Variants in ERBB4 observed in about 807,000 individuals in gnomAD.
The protein encoded by ERBB4 is erb-b2 receptor tyrosine kinase 4.
Under a neutral mutation model 158.0 loss-of-function variants are expected in ERBB4, and 42 were observed. The ratio of observed to expected loss-of-function variants is 0.27; its 90% confidence interval spans 0.21 to 0.34. The LOEUF is 0.34. Among genes scored for constraint, ERBB4 ranks in the 10% least tolerant of loss-of-function variants. The pLI, the probability that ERBB4 is intolerant of heterozygous loss-of-function variation, is 1.00. For synonymous variants in ERBB4, 583 were observed against 558.7 expected (o/e 1.04, Z -0.61); for missense variants, 1,333 against 1,624.1 (o/e 0.82, Z 3.08).
At chr2:212,101,807 T>C (rs2079091768) in intron 2 of ERBB4, among the ~76,000 whole-genome samples, 1 of 151,868 alleles carries the variant, frequency 6.6e-6, no homozygotes, top group South Asian at 2.1e-4. Flanking sequence ...GAAAAGGTTA[T>C]AAAAAGCTTC....
At chr2:211,824,306 T>G (rs1395503523) in intron 3 of ERBB4, among the ~76,000 whole-genome samples, 1 of 152,038 alleles carries the variant, frequency 6.6e-6, no homozygotes, top group Non-Finnish European at 1.5e-5. Context: ...GGTTTAGGAA[T>G]AGTTACTATT....
chr2:211,722,594 A>G lies in ERBB4; in HGVS notation c.742-60T>C. On this transcript the variant is annotated intron_variant, in intron 6 of 27. Coordinates refer to ENST00000342788, the MANE Select transcript of ERBB4 (RefSeq NM_005235.3). The stretch of plus-strand genomic sequence containing the variant: ...TAAACTCATAATACTTGTTAATGAA[A>G]CGCTGCCAAAACAGGAGAAGTTTTT... 10 of 1,547,582 alleles carry G rather than the reference A, an allele frequency of 6.5e-6. No individual in the cohort carries two copies. The South Asian group carries it at 1.1e-4, about 17-fold the overall frequency.
At position 212,095,738 on chromosome 2, in the gene ERBB4, C is replaced by T. The variant is rs529949207; in HGVS notation, c.234+29014G>A. 1.4e-4 allele frequency among the ~76,000 whole-genome samples: 21 copies of T among 152,060 alleles called. 1 individual carries two copies. The South Asian group carries it at 3.5e-3, about 26-fold the overall frequency. On this transcript the variant is annotated intron_variant, in intron 2 of 27. Transcript: ENST00000342788. The stretch of plus-strand genomic sequence containing the variant: ...ACGAGGTCAGGAGATCGAGACCATC[C>T]TGGCTAACACGGTGAAACCCCGTCT...
intron 1 of ERBB4, among the ~76,000 whole-genome samples, chr2:212,254,611 C>T (rs987783944): frequency 6.6e-6 from 1 of 152,018 alleles, no homozygotes; most frequent in Non-Finnish European, 1.5e-5. Flanking sequence ...GACACCATTC[C>T]CCACGAATCC....
chr2:211,597,914 T>A (rs984429841), intron 19 of ERBB4, among the ~76,000 whole-genome samples: 1 of 152,172 alleles, frequency 6.6e-6, no homozygotes, highest in Non-Finnish European at 1.5e-5. Context: ...ATGTTATTAT[T>A]TGATAAGAGA....
intron 20 of ERBB4, among the ~76,000 whole-genome samples, chr2:211,517,947 T>C (rs1406903359): frequency 6.6e-6 from 1 of 152,118 alleles, no homozygotes; most frequent in Non-Finnish European, 1.5e-5. Context: ...TTCCATGAGA[T>C]CCTCGTCACT....
At chr2:212,376,522 T>C (rs28373508) in intron 1 of ERBB4, among the ~76,000 whole-genome samples, 89,096 of 151,936 alleles carry the variant, frequency 0.59, 27,671 homozygotes, top group African/African-American at 0.78. Flanking sequence ...CCACCACAGC[T>C]ATGCTTCTGC....
chr2:212,196,183 T>A (rs1265617675), intron 1 of ERBB4, among the ~76,000 whole-genome samples: 1 of 152,148 alleles, frequency 6.6e-6, no homozygotes, highest in East Asian at 1.9e-4. Flanking sequence ...CAATAACAAT[T>A]GATTAAAAAA....
intron 1 of ERBB4, among the ~76,000 whole-genome samples, chr2:212,469,600 C>G (rs1689013849): frequency 6.6e-6 from 1 of 152,100 alleles, no homozygotes; most frequent in African/African-American, 2.4e-5. Context: ...TTTGAATTCT[C>G]TTATTTCCTC....
At chr2:211,959,248 A>T (rs1320535005) in intron 2 of ERBB4, among the ~76,000 whole-genome samples, 1 of 152,080 alleles carries the variant, frequency 6.6e-6, no homozygotes, top group African/African-American at 2.4e-5. Flanking sequence ...CAAAATAGAC[A>T]TGGTTCTTAA....
At chr2:211,750,823 G>A in intron 4 of ERBB4, 119 bp from the exon 5 acceptor site, 1 of 878,508 alleles carries the variant, frequency 1.1e-6, no homozygotes. Flanking sequence ...TGTCATACTA[G>A]AGCTGAAACA....
At chr2:212,475,454 G>A (rs1225043514) in intron 1 of ERBB4, among the ~76,000 whole-genome samples, 1 of 152,114 alleles carries the variant, frequency 6.6e-6, no homozygotes, top group Admixed American at 6.6e-5. Flanking sequence ...TCCCTCTGCT[G>A]AGAATGTTCC....
At chr2:211,505,125 T>A (rs1423868518) in intron 20 of ERBB4, among the ~76,000 whole-genome samples, 1 of 151,970 alleles carries the variant, frequency 6.6e-6, no homozygotes, top group Non-Finnish European at 1.5e-5. Context: ...CTATATAAGA[T>A]GAACATTACC....
At chr2:211,770,177 C>T (rs1445173988) in intron 4 of ERBB4, among the ~76,000 whole-genome samples, 1 of 152,134 alleles carries the variant, frequency 6.6e-6, no homozygotes, top group East Asian at 1.9e-4. Context: ...TGGAAGATCA[C>T]CAGATGTCTC....
intron 1 of ERBB4, among the ~76,000 whole-genome samples, chr2:212,213,675 T>C (rs577562567): frequency 6.6e-6 from 1 of 152,022 alleles, no homozygotes; most frequent in Non-Finnish European, 1.5e-5. Context: ...TTCAATTTCT[T>C]AAGTCAAAAT....
intron 2 of ERBB4, among the ~76,000 whole-genome samples, chr2:212,028,619 T>G (rs2076829750): frequency 6.6e-6 from 1 of 152,114 alleles, no homozygotes; most frequent in Non-Finnish European, 1.5e-5. Context: ...GCTAACAGAC[T>G]GCACGCAGGC....
At chr2:211,988,451 T>C (rs545130410) in intron 2 of ERBB4, among the ~76,000 whole-genome samples, 5 of 152,276 alleles carry the variant, frequency 3.3e-5, no homozygotes, top group South Asian at 4.1e-4. Flanking sequence ...AGTAAGTGTT[T>C]AGTAAAGAAT....
At chr2:211,562,640 TA>T (rs749594821) in intron 19 of ERBB4, among the ~76,000 whole-genome samples, 5 of 151,414 alleles carry the variant, frequency 3.3e-5, no homozygotes, top group Non-Finnish European at 7.3e-5. Context: ...ATAAACATTT[TA>T]ATAAGATATT....
intron 2 of ERBB4, among the ~76,000 whole-genome samples, chr2:212,075,658 G>C (rs1206863502): frequency 6.6e-6 from 1 of 151,858 alleles, no homozygotes; most frequent in Non-Finnish European, 1.5e-5. Context: ...TTTCTTGAAT[G>C]TAGAGAAACA....
Sources: gnomAD v4.1 joint callset for allele counts (sites outside exome capture counted in the v4.1 genomes callset) on GRCh38, gnomAD v4.1.1 for gene constraint, MANE v1.5 for transcripts, NCBI Gene and HGNC (gene_info 2026-07-23, HGNC 2026-07-21) for gene names.